NR3C2: variants seen among roughly 807,000 people sequenced by gnomAD.
The protein encoded by NR3C2 is mineralocorticoid receptor.
Under a neutral mutation model 86.4 loss-of-function variants are expected in NR3C2, and 15 were observed. The observed-to-expected ratio is 0.17, with a 90% CI of 0.12 to 0.27. The LOEUF is 0.27. Among genes scored for constraint, NR3C2 ranks in the 10% least tolerant of loss-of-function variants. The probability of loss-of-function intolerance (pLI) is 1.00; values close to 1 mark genes in which losing one functional copy is unlikely to be tolerated. For synonymous variants in NR3C2, 458 were observed against 450.5 expected (o/e 1.02, Z -0.21); for missense variants, 960 against 1,195.6 (o/e 0.80, Z 2.91).
chr4:148,090,318 A>G (rs949867040), intron 8 of NR3C2, among the ~76,000 whole-genome samples: 7 of 152,218 alleles, frequency 4.6e-5, no homozygotes, highest in African/African-American at 1.4e-4. Context: ...GGCTTGGCAC[A>G]TGACCTGAAG....
intron 3 of NR3C2, among the ~76,000 whole-genome samples, chr4:148,215,032 G>A (rs532834135): frequency 2.0e-5 from 3 of 152,268 alleles, no homozygotes; most frequent in South Asian, 2.1e-4. Context: ...ATTCTCCACC[G>A]AAGCCCTACT....
At chr4:148,266,367 G>A (rs374664151) in intron 2 of NR3C2, among the ~76,000 whole-genome samples, 12 of 152,296 alleles carry the variant, frequency 7.9e-5, no homozygotes, top group Middle Eastern at 3.4e-3. Context: ...CACTGCACCC[G>A]GCCCAGAAGG....
At chr4:148,298,069 T>G (rs1742152076) in intron 2 of NR3C2, among the ~76,000 whole-genome samples, 1 of 152,176 alleles carries the variant, frequency 6.6e-6, no homozygotes, top group African/African-American at 2.4e-5. Context: ...ATCTGCCTCA[T>G]GGTCCAACAA....
At chr4:148,366,991 C>A (rs529177887) in intron 2 of NR3C2, among the ~76,000 whole-genome samples, 1 of 152,210 alleles carries the variant, frequency 6.6e-6, no homozygotes, top group South Asian at 2.1e-4. Flanking sequence ...GTATGCTAAG[C>A]CTGTATACTA....
chr4:148,114,656 A>C (rs1732192720), intron 7 of NR3C2, among the ~76,000 whole-genome samples: 1 of 152,212 alleles, frequency 6.6e-6, no homozygotes, highest in Non-Finnish European at 1.5e-5. Context: ...CCTGCCTCTT[A>C]ACCACAATGC....
chr4:148,319,116 C>A (rs924630397), intron 2 of NR3C2, among the ~76,000 whole-genome samples: 10 of 151,564 alleles, frequency 6.6e-5, no homozygotes, highest in African/African-American at 2.4e-4. Flanking sequence ...TTTCCCAGCA[C>A]CATTTATTAA....
rs1750063989 is a variant in NR3C2, at chr4:148,436,270, A to T, written c.591T>A (p.Pro197=). 1.2e-6 allele frequency: 2 copies of T among 1,614,076 alleles called. No individual in the cohort carries two copies. The highest frequency in any genetic ancestry group is 1.7e-6 in the Non-Finnish European group (2 of 1,180,024). ...CHEKSPSVCS[P]LNMTSSVCSP... is the part of the protein sequence containing the mutation. ...TGCAAACCGAAGATGTCATGTTCAG[A>T]GGGCTGCAAACAGACGGGCTTTTCT... Residue 197 remains proline, a synonymous_variant, in exon 2 of 9, where the codon CCT becomes CCA. Coordinates refer to ENST00000358102, the MANE Select transcript of NR3C2 (RefSeq NM_000901.5).
At chr4:148,105,018 T>G (rs1029315975) in intron 8 of NR3C2, among the ~76,000 whole-genome samples, 1 of 152,168 alleles carries the variant, frequency 6.6e-6, no homozygotes, top group African/African-American at 2.4e-5. Context: ...ATGGTGGACA[T>G]AGCCAAATGT....
intron 2 of NR3C2, among the ~76,000 whole-genome samples, chr4:148,409,411 T>C (rs367638458): frequency 3.3e-4 from 50 of 152,258 alleles, no homozygotes; most frequent in African/African-American, 1.0e-3. Flanking sequence ...AAATAACCCA[T>C]GACTTGCCAC....
At chr4:148,238,404 G>A (rs1738849342) in intron 3 of NR3C2, among the ~76,000 whole-genome samples, 1 of 152,024 alleles carries the variant, frequency 6.6e-6, no homozygotes, top group Non-Finnish European at 1.5e-5. Context: ...ACAAACGAGA[G>A]GTCAGAGAAA....
chr4:148,220,904 A>G (rs1737805317), intron 3 of NR3C2, among the ~76,000 whole-genome samples: 1 of 152,220 alleles, frequency 6.6e-6, no homozygotes. Context: ...TGCAACACAC[A>G]AGGTTTTTAA....
intron 2 of NR3C2, among the ~76,000 whole-genome samples, chr4:148,431,704 T>C (rs1749808822): frequency 6.6e-6 from 1 of 152,230 alleles, no homozygotes; most frequent in Non-Finnish European, 1.5e-5. Context: ...ATTACTCATT[T>C]CTGTCAGTTT....
intron 8 of NR3C2, among the ~76,000 whole-genome samples, chr4:148,096,968 A>G (rs1731306041): frequency 6.6e-6 from 1 of 152,246 alleles, no homozygotes; most frequent in Non-Finnish European, 1.5e-5. Flanking sequence ...TTGTTAAAAT[A>G]TATAAATCAA....
chr4:148,155,793 T>C (rs977872838), intron 4 of NR3C2, among the ~76,000 whole-genome samples: 65 of 152,114 alleles, frequency 4.3e-4, no homozygotes, highest in African/African-American at 7.9e-4. Flanking sequence ...AAAAAGAGCC[T>C]GCATCGCCAA....
chr4:148,138,074 T>C (rs1733429484), intron 6 of NR3C2, among the ~76,000 whole-genome samples: 1 of 152,184 alleles, frequency 6.6e-6, no homozygotes, highest in Admixed American at 6.5e-5. Context: ...CTCGTTAGGA[T>C]TCTCAATGCT....
At chr4:148,444,265 G>C, upstream of NR3C2, 1 of 985,306 alleles carries the variant, frequency 1.0e-6, no homozygotes, top group Non-Finnish European at 1.2e-6. Context: ...GAGGAGGGCC[G>C]GTCTTGCCCT....
At chr4:148,193,790 C>T (rs1461263001) in intron 4 of NR3C2, among the ~76,000 whole-genome samples, 1 of 152,116 alleles carries the variant, frequency 6.6e-6, no homozygotes, top group Non-Finnish European at 1.5e-5. Flanking sequence ...ACTTCTGTGG[C>T]TATTTTTCTA....
At chr4:148,366,454 A>AAAAAAGAATACTTTTAAAAAGTACTTTT (rs1746132801) in intron 2 of NR3C2, among the ~76,000 whole-genome samples, 9 of 112,398 alleles carry the variant, frequency 8.0e-5, no homozygotes, top group African/African-American at 2.4e-4. Context: ...AAGTACTTTT[A>AAAAAAGAATACTTTTAAAAAGTACTTTT]AAAAAGAATA....
Position 148,146,713 on chromosome 4 carries a change from G to C in NR3C2, c.2510+5756C>G, listed in dbSNP as rs1733887077. ...ACTCAGAGAATCCACAGAGGCATGT[G>C]AAGTGCCACTAAGACTTCAACCCTC... is the stretch of plus-strand genomic sequence containing the variant. On this transcript the variant is annotated intron_variant, in intron 6 of 8. Coordinates refer to ENST00000358102, the MANE Select transcript of NR3C2 (RefSeq NM_000901.5). 4.6e-5 allele frequency: 7 copies of C among 152,334 alleles called. No individual in the cohort carries two copies. In the South Asian group the frequency reaches 1.2e-3, roughly 27 times the overall value. 9.4% of individuals were successfully genotyped at this position (152,334 alleles called of 1,614,324 possible). A position where few individuals can be genotyped will look rare whatever the true frequency, so the allele number is the denominator to read the frequency against.
Sources: gnomAD v4.1 joint callset for allele counts (sites outside exome capture counted in the v4.1 genomes callset) on GRCh38, gnomAD v4.1.1 for gene constraint, MANE v1.5 for transcripts, NCBI Gene and HGNC (gene_info 2026-07-23, HGNC 2026-07-21) for gene names.